The following KLF12 variants were observed in gnomAD, a reference collection of about 807,000 sequenced individuals.
KLF12 encodes KLF transcription factor 12.
In KLF12, 9 loss-of-function variants were observed where a neutral mutation model predicts 37.8. That is an observed-to-expected ratio of 0.24 (90% CI 0.14 to 0.42). KLF12 has a LOEUF of 0.42. KLF12 is among the 10% of genes least tolerant of loss of function. The probability of loss-of-function intolerance (pLI) is 1.00; values close to 1 mark genes in which losing one functional copy is unlikely to be tolerated. For missense variants in KLF12, 411 were observed against 516.0 expected, an observed-to-expected ratio of 0.80 and a Z score of 1.97; for synonymous variants, 208 against 202.1, an observed-to-expected ratio of 1.03 and a Z score of -0.25.
At chr13:73,972,904 T>A (rs577357490) in intron 2 of KLF12, among the ~76,000 whole-genome samples, 1 of 151,974 alleles carries the variant, frequency 6.6e-6, no homozygotes, top group African/African-American at 2.4e-5. Flanking sequence ...CTGGGCATGA[T>A]GGTTTCATGC....
At chr13:73,725,124 C>T (rs553714483) in intron 6 of KLF12, among the ~76,000 whole-genome samples, 3 of 152,122 alleles carry the variant, frequency 2.0e-5, no homozygotes, top group East Asian at 3.9e-4. Flanking sequence ...TTTTTTGAGA[C>T]GGAGTCTTGC....
chr13:73,842,207 A>G (rs930707756), intron 4 of KLF12, among the ~76,000 whole-genome samples: 9 of 152,178 alleles, frequency 5.9e-5, no homozygotes, highest in African/African-American at 2.2e-4. Context: ...CTCCATGAGC[A>G]TCACAGTAAA....
chr13:74,059,413 T>C (rs1037515897), intron 1 of KLF12, among the ~76,000 whole-genome samples: 1 of 152,204 alleles, frequency 6.6e-6, no homozygotes, highest in South Asian at 2.1e-4. Flanking sequence ...ATACATGCAT[T>C]CTCTTTTTTC....
At chr13:73,832,850 T>A (rs1160858654) in intron 4 of KLF12, among the ~76,000 whole-genome samples, 1 of 152,254 alleles carries the variant, frequency 6.6e-6, no homozygotes, top group East Asian at 1.9e-4. Context: ...TGTACCATTA[T>A]CAGCTTTTAA....
chr13:73,850,755 T>C (rs1415025846), intron 3 of KLF12, among the ~76,000 whole-genome samples: 1 of 152,236 alleles, frequency 6.6e-6, no homozygotes, highest in Non-Finnish European at 1.5e-5. Context: ...CAGCTATCTA[T>C]CTATCCTTTC....
At chr13:74,210,462 G>A in the KLF12 span, among the ~76,000 whole-genome samples, 1 of 152,122 alleles carries the variant, frequency 6.6e-6, no homozygotes, top group Non-Finnish European at 1.5e-5. Flanking sequence ...TCTACATTAA[G>A]TCACTGGTTT....
chr13:74,016,735 T>C (rs902054627), intron 1 of KLF12, among the ~76,000 whole-genome samples: 1 of 152,154 alleles, frequency 6.6e-6, no homozygotes, highest in African/African-American at 2.4e-5. Flanking sequence ...TCTACTAAAA[T>C]GAAAATATAC....
chr13:73,888,650 C>T (rs1054759536), intron 3 of KLF12, among the ~76,000 whole-genome samples: 1 of 152,148 alleles, frequency 6.6e-6, no homozygotes, highest in Non-Finnish European at 1.5e-5. Flanking sequence ...GATATATGCA[C>T]ATATCTTATT....
At chr13:74,125,157 A>AG (rs1450302890) in intron 1 of KLF12, among the ~76,000 whole-genome samples, 3 of 146,584 alleles carry the variant, frequency 2.0e-5, no homozygotes, top group Admixed American at 6.8e-5. Flanking sequence ...AAAAAAAAAT[A>AG]TATATATATA....
At position 73,961,775 on chromosome 13, in the gene KLF12, T is replaced by C. The variant is rs1002184176; in HGVS notation, c.34-17705A>G. ...TTCAACACCATACATCATTAGGGAA[T>C]TGCAAATTAAAACAACGAGATGCCA... is the stretch of plus-strand genomic sequence containing the variant. On this transcript the variant is annotated intron_variant, in intron 2 of 7. Coordinates refer to ENST00000377669, the MANE Select transcript of KLF12 (RefSeq NM_007249.5). Among the ~76,000 whole-genome samples the C allele has an allele frequency of 3.9e-5, 6 of 152,216 alleles. No homozygotes were observed. The East Asian group carries it at 9.6e-4, about 24-fold the overall frequency.
chr13:73,977,902 C>A (rs1891580595), intron 2 of KLF12, among the ~76,000 whole-genome samples: 1 of 152,198 alleles, frequency 6.6e-6, no homozygotes, highest in South Asian at 2.1e-4. Flanking sequence ...GGTGCTGGAA[C>A]AACTTGACAT....
intron 1 of KLF12, among the ~76,000 whole-genome samples, chr13:74,006,443 C>CT (rs1231316462): frequency 6.6e-6 from 1 of 152,144 alleles, no homozygotes; most frequent in East Asian, 1.9e-4. Flanking sequence ...AAAGGAACAC[C>CT]TTTGGGCAAA....
chr13:74,105,316 G>A (rs1424329281), intron 1 of KLF12, among the ~76,000 whole-genome samples: 1 of 151,954 alleles, frequency 6.6e-6, no homozygotes, highest in East Asian at 1.9e-4. Context: ...AAAACAGACT[G>A]GGTTTTGTCC....
At chr13:73,784,827 G>T (rs776429680) in intron 5 of KLF12, among the ~76,000 whole-genome samples, 1 of 151,414 alleles carries the variant, frequency 6.6e-6, no homozygotes, top group Non-Finnish European at 1.5e-5. Flanking sequence ...TTGTAGAGAC[G>T]GGGTTTCACC....
intron 1 of KLF12, among the ~76,000 whole-genome samples, chr13:74,077,220 C>T (rs1308206613): frequency 2.0e-5 from 3 of 152,096 alleles, no homozygotes; most frequent in African/African-American, 7.2e-5. Flanking sequence ...GAAAAATTGC[C>T]ACACTGCTTT....
chr13:74,108,088 C>A (rs147616721), intron 1 of KLF12, among the ~76,000 whole-genome samples: 14 of 152,188 alleles, frequency 9.2e-5, no homozygotes, highest in African/African-American at 3.4e-4. Flanking sequence ...ATTCATCTTC[C>A]ACACAAGGAA....
chr13:73,966,198 A>G (rs1257608798), intron 2 of KLF12, among the ~76,000 whole-genome samples: 1 of 152,198 alleles, frequency 6.6e-6, no homozygotes, highest in South Asian at 2.1e-4. Context: ...AATGTGCCCA[A>G]TATATAATAC....
the KLF12 span, among the ~76,000 whole-genome samples, chr13:74,267,065 C>T: frequency 2.0e-4 from 30 of 152,256 alleles, 1 homozygote; most frequent in Admixed American, 1.5e-3. Flanking sequence ...TCAGCCTCCC[C>T]GCCCATTCTC....
chr13:73,724,001 A>G (rs1272693660), intron 6 of KLF12, among the ~76,000 whole-genome samples: 1 of 152,188 alleles, frequency 6.6e-6, no homozygotes, highest in Non-Finnish European at 1.5e-5. Context: ...AAGGATCTAG[A>G]ACCAGAACTA....
Sources: gnomAD v4.1 joint callset for allele counts (sites outside exome capture counted in the v4.1 genomes callset) on GRCh38, gnomAD v4.1.1 for gene constraint, MANE v1.5 for transcripts, NCBI Gene and HGNC (gene_info 2026-07-23, HGNC 2026-07-21) for gene names.